Variants in EBF1 observed in about 807,000 individuals in gnomAD.
The protein encoded by EBF1 is EBF transcription factor 1, also known as transcription factor COE1.
EBF1 carries 10 observed loss-of-function variants against 68.4 expected under a neutral mutation model. The ratio of observed to expected loss-of-function variants is 0.15; its 90% CI spans 0.09 to 0.25. EBF1 has a LOEUF of 0.25. Ranked by LOEUF, EBF1 falls within the 10% of genes least tolerant of loss-of-function variation. The pLI, the probability that EBF1 is intolerant of heterozygous loss-of-function variation, is 1.00. For synonymous variants in EBF1, 298 were observed against 299.8 expected, an observed-to-expected ratio of 0.99 and a Z score of 0.06; for missense variants, 509 against 794.4, an observed-to-expected ratio of 0.64 and a Z score of 4.32.
At chr5:159,084,882 G>A (rs1158821448) in intron 4 of EBF1, 143 bp from the exon 5 acceptor site, 14 of 567,102 alleles carry the variant, frequency 2.5e-5, no homozygotes, top group Non-Finnish European at 3.8e-5. Flanking sequence ...TGGGTTGATC[G>A]TCTGAAGGTA....
chr5:158,799,980 C>T (rs1780296274), intron 8 of EBF1, among the ~76,000 whole-genome samples: 1 of 152,112 alleles, frequency 6.6e-6, no homozygotes, highest in Admixed American at 6.6e-5. Flanking sequence ...ACTCACAACA[C>T]AACTGCCAGG....
chr5:158,698,872 T>C lies in EBF1; in HGVS notation c.*239A>G, dbSNP rs185007716. On this transcript the variant is annotated 3_prime_UTR_variant, in exon 16 of 16. Coordinates refer to ENST00000313708, the MANE Select transcript of EBF1 (RefSeq NM_024007.5). ...TGGATTTGCTTTTGTCAATACAGAA[T>C]AAATATATCCCCCAAATACTTGGGA... The C allele has an allele frequency of 4.9e-4, 196 of 403,114 alleles. No homozygotes were observed. The highest frequency in any genetic ancestry group is 5.2e-4 in the Non-Finnish European group (117 of 226,992). 25.0% of individuals were successfully genotyped at this position (403,114 alleles called of 1,614,324 possible).
Position 158,707,184 on chromosome 5 carries a change from G to A in EBF1, c.1744+795C>T, listed in dbSNP as rs567514253. On this transcript the variant is annotated intron_variant, in intron 15 of 15. Coordinates refer to ENST00000313708, the MANE Select transcript of EBF1 (RefSeq NM_024007.5). ...AGTACCTACCACACAATCCTGCTGG[G>A]GGCAATGAATGAGGTTGTGCAGGTC... Among the ~76,000 whole-genome samples the A allele has an allele frequency of 5.9e-5, 9 of 152,220 alleles. No individual in the cohort carries two copies. The East Asian group carries it at 7.7e-4, about 13-fold the overall frequency.
chr5:158,954,504 T>A (rs1081073), intron 6 of EBF1, among the ~76,000 whole-genome samples: 60,792 of 152,182 alleles, frequency 0.4, 13,054 homozygotes, highest in South Asian at 0.62. Context: ...GTTCTTAGGG[T>A]GCCCCCAACT....
intron 6 of EBF1, among the ~76,000 whole-genome samples, chr5:158,965,467 CAG>C (rs1753922549): frequency 2.0e-5 from 3 of 152,162 alleles, no homozygotes; most frequent in Admixed American, 6.5e-5. Context: ...TAAGCTTTAA[CAG>C]AGAGTAGAGA....
intron 6 of EBF1, among the ~76,000 whole-genome samples, chr5:158,972,400 GT>G (rs1325316546): frequency 1.3e-5 from 2 of 152,226 alleles, no homozygotes; most frequent in Non-Finnish European, 2.9e-5. Context: ...GCGGATAGAT[GT>G]TTAATAAGTA....
At chr5:158,814,975 T>C (rs1377326030) in intron 8 of EBF1, among the ~76,000 whole-genome samples, 1 of 152,226 alleles carries the variant, frequency 6.6e-6, no homozygotes. Context: ...TGCTCTGGGC[T>C]AACTTTTGAA....
chr5:159,048,592 A>G (rs1772916641), intron 6 of EBF1, among the ~76,000 whole-genome samples: 1 of 152,228 alleles, frequency 6.6e-6, no homozygotes, highest in Non-Finnish European at 1.5e-5. Context: ...TGTACCAGCC[A>G]CAGCAGTGAC....
chr5:158,873,375 A>ATT (rs1797242266), intron 6 of EBF1, among the ~76,000 whole-genome samples: 1 of 152,204 alleles, frequency 6.6e-6, no homozygotes, highest in African/African-American at 2.4e-5. Flanking sequence ...CTCTAGAGTG[A>ATT]TTCGCCACAT....
At chr5:159,044,597 A>G (rs1771943823) in intron 6 of EBF1, among the ~76,000 whole-genome samples, 1 of 152,212 alleles carries the variant, frequency 6.6e-6, no homozygotes, top group Non-Finnish European at 1.5e-5. Context: ...CATGTGGAGT[A>G]TGTACATTGC....
At chr5:158,787,249 A>G (rs546600198) in intron 9 of EBF1, among the ~76,000 whole-genome samples, 1 of 152,306 alleles carries the variant, frequency 6.6e-6, no homozygotes, top group East Asian at 1.9e-4. Context: ...GGCCACTGTC[A>G]TTAATGAGCT....
chr5:158,812,069 CATAA>C (rs1437796426), intron 8 of EBF1, among the ~76,000 whole-genome samples: 2 of 152,146 alleles, frequency 1.3e-5, no homozygotes, highest in Non-Finnish European at 2.9e-5. Flanking sequence ...AATATCGGCA[CATAA>C]ATACTTACAC....
chr5:158,934,622 C>T (rs1435402406), intron 6 of EBF1, among the ~76,000 whole-genome samples: 2 of 152,238 alleles, frequency 1.3e-5, no homozygotes, highest in East Asian at 3.8e-4. Context: ...GAGTCTGGCA[C>T]TGTAGAACTT....
intron 6 of EBF1, among the ~76,000 whole-genome samples, chr5:158,913,787 G>A (rs1028842708): frequency 1.6e-4 from 24 of 152,198 alleles, no homozygotes; most frequent in African/African-American, 5.8e-4. Context: ...ATATGGCCAT[G>A]AGAGCGCGAG....
intron 5 of EBF1, among the ~76,000 whole-genome samples, chr5:159,082,132 T>C (rs1779842644): frequency 6.6e-6 from 1 of 152,168 alleles, no homozygotes; most frequent in African/African-American, 2.4e-5. Flanking sequence ...TTTCTCATTT[T>C]TTCTTTTTTT....
At chr5:158,761,450 ATG>A (rs1771431233) in intron 10 of EBF1, among the ~76,000 whole-genome samples, 1 of 152,194 alleles carries the variant, frequency 6.6e-6, no homozygotes, top group African/African-American at 2.4e-5. Context: ...CTATGAAATA[ATG>A]TGTGTTATTT....
intron 6 of EBF1, among the ~76,000 whole-genome samples, chr5:159,033,253 T>C (rs750938103): frequency 6.6e-6 from 1 of 152,234 alleles, no homozygotes; most frequent in Non-Finnish European, 1.5e-5. Flanking sequence ...AAAGGCAGAT[T>C]CTGAGCATAA....
intron 6 of EBF1, among the ~76,000 whole-genome samples, chr5:158,943,275 G>C (rs1229612111): frequency 6.6e-6 from 1 of 151,922 alleles, no homozygotes; most frequent in East Asian, 1.9e-4. Flanking sequence ...AACTTCCAGA[G>C]TCTAAAAGTG....
At chr5:159,025,925 A>G (rs1412139325) in intron 6 of EBF1, among the ~76,000 whole-genome samples, 1 of 152,206 alleles carries the variant, frequency 6.6e-6, no homozygotes. Context: ...ATCACCTTTC[A>G]AGTTACATCC....
Sources: allele counts gnomAD v4.1 joint callset (sites outside exome capture counted in the v4.1 genomes callset), GRCh38; gene constraint gnomAD v4.1.1; transcripts MANE v1.5; gene names NCBI Gene and HGNC (gene_info 2026-07-23, HGNC 2026-07-21).